The following ROBO2 variants were observed in gnomAD, a reference collection of about 807,000 sequenced individuals.
The protein encoded by ROBO2 is roundabout homolog 2.
In ROBO2, 53 loss-of-function variants were observed where a neutral mutation model predicts 160.8. The observed-to-expected ratio is 0.33, with a 90% CI of 0.26 to 0.41. The LOEUF is 0.41. Among genes scored for constraint, ROBO2 ranks in the 10% least tolerant of loss-of-function variants. The pLI, the probability that ROBO2 is intolerant of heterozygous loss-of-function variation, is 1.00. For synonymous variants in ROBO2, 664 were observed against 611.7 expected, an observed-to-expected ratio of 1.09 and a Z score of -1.26; for missense variants, 1,577 against 1,722.4, an observed-to-expected ratio of 0.92 and a Z score of 1.49.
intron 2 of ROBO2, among the ~76,000 whole-genome samples, chr3:76,051,978 G>A (rs73841102): frequency 0.021 from 3,127 of 151,956 alleles, 44 homozygotes; most frequent in East Asian, 0.081. Flanking sequence ...AAATATTTAT[G>A]GAAAAGCTTC....
chr3:76,137,355 A>G (rs967115063), intron 2 of ROBO2, among the ~76,000 whole-genome samples: 2 of 151,998 alleles, frequency 1.3e-5, no homozygotes, highest in African/African-American at 2.4e-5. Context: ...AAAACGTCCA[A>G]TCCTAGAAAA....
intron 2 of ROBO2, among the ~76,000 whole-genome samples, chr3:76,319,579 A>C (rs1366498379): frequency 6.7e-6 from 1 of 148,328 alleles, no homozygotes; most frequent in South Asian, 2.2e-4. Flanking sequence ...GTATCCAAAT[A>C]ATATTTTGAG....
intron 2 of ROBO2, among the ~76,000 whole-genome samples, chr3:76,302,241 A>G (rs1449883249): frequency 2.0e-5 from 3 of 152,076 alleles, no homozygotes. Flanking sequence ...AAAAATACGC[A>G]GTTTTACATT....
intron 2 of ROBO2, among the ~76,000 whole-genome samples, chr3:77,125,281 C>T (rs1437037984): frequency 6.6e-6 from 1 of 152,128 alleles, no homozygotes; most frequent in Non-Finnish European, 1.5e-5. Flanking sequence ...ATTTCTGCTT[C>T]TAAGGGTGCT....
intron 2 of ROBO2, among the ~76,000 whole-genome samples, chr3:76,069,523 TA>T (rs1468990162): frequency 1.5e-5 from 1 of 66,922 alleles, no homozygotes; most frequent in Non-Finnish European, 3.1e-5. Context: ...GGCTTATTGC[TA>T]GTTTTTTTTT....
At chr3:77,458,066 T>C (rs1226299857) in intron 2 of ROBO2, among the ~76,000 whole-genome samples, 1 of 152,164 alleles carries the variant, frequency 6.6e-6, no homozygotes, top group East Asian at 1.9e-4. Flanking sequence ...TTTCACTTAA[T>C]CCTCATCGCC....
At chr3:76,385,767 C>G (rs2076853749) in intron 2 of ROBO2, among the ~76,000 whole-genome samples, 1 of 152,036 alleles carries the variant, frequency 6.6e-6, no homozygotes, top group Non-Finnish European at 1.5e-5. Context: ...ATCAATTTCT[C>G]TGTGTAGAAA....
intron 2 of ROBO2, among the ~76,000 whole-genome samples, chr3:77,400,820 G>C (rs2075730400): frequency 6.6e-6 from 1 of 151,710 alleles, no homozygotes; most frequent in Non-Finnish European, 1.5e-5. Flanking sequence ...ATAGAGCCTG[G>C]TTAAGTGAGT....
intron 2 of ROBO2, among the ~76,000 whole-genome samples, chr3:77,328,838 G>A (rs1429775001): frequency 6.6e-6 from 1 of 152,092 alleles, no homozygotes; most frequent in Non-Finnish European, 1.5e-5. Context: ...CTCCAAAAAT[G>A]ACAAGAATGC....
At chr3:76,135,594 C>T (rs1052250913) in intron 2 of ROBO2, among the ~76,000 whole-genome samples, 1 of 152,064 alleles carries the variant, frequency 6.6e-6, no homozygotes, top group African/African-American at 2.4e-5. Flanking sequence ...ATCACAATTA[C>T]CCTAGAGGAA....
intron 15 of ROBO2, among the ~76,000 whole-genome samples, chr3:77,579,139 T>C (rs1170343064): frequency 6.6e-6 from 1 of 152,152 alleles, no homozygotes. Flanking sequence ...TTAAATATTG[T>C]ATAATATGAA....
intron 2 of ROBO2, among the ~76,000 whole-genome samples, chr3:77,248,857 G>A (rs572082271): frequency 1.3e-5 from 2 of 150,222 alleles, no homozygotes; most frequent in African/African-American, 4.9e-5. Context: ...TGGAATATGA[G>A]CCCACTCATA....
intron 2 of ROBO2, among the ~76,000 whole-genome samples, chr3:77,274,690 A>C (rs756354868): frequency 1.3e-5 from 2 of 152,096 alleles, no homozygotes; most frequent in African/African-American, 4.8e-5. Context: ...TTGTATTAGG[A>C]AAATATATAT....
chr3:76,925,394 T>C (rs961100114), intron 2 of ROBO2, among the ~76,000 whole-genome samples: 1 of 152,106 alleles, frequency 6.6e-6, no homozygotes, highest in East Asian at 1.9e-4. Context: ...TGGAAAATAT[T>C]TTTCCAAAAT....
At chr3:77,326,412 CAT>C in intron 2 of ROBO2, among the ~76,000 whole-genome samples, 1 of 152,274 alleles carries the variant, frequency 6.6e-6, no homozygotes, top group Non-Finnish European at 1.5e-5. Context: ...TATTTTTAAA[CAT>C]AGTGATCTTC....
In ROBO2 at chr3:76,320,050, A is replaced by G. The variant is rs150853292; in HGVS notation, c.109+382448A>G. On this transcript the variant is annotated intron_variant, in intron 2 of 26. Transcript: ENST00000487694. ...ATACCTAACAGATTTAGTTTGAAAT[A>G]TAGTCCAATTTGCTATTTAAAACAA... Among the ~76,000 whole-genome samples the G allele has an allele frequency of 9.9e-3, 1,502 of 152,212 alleles. 4 individuals carry two copies. Among genetic ancestry groups the G allele is most frequent in the Non-Finnish European group, 0.017 (1,151 of 67,960 alleles).
chr3:76,987,328 T>G (rs1480901959), intron 2 of ROBO2, among the ~76,000 whole-genome samples: 1 of 152,170 alleles, frequency 6.6e-6, no homozygotes, highest in African/African-American at 2.4e-5. Context: ...TTCATTTTGT[T>G]TCAGTTCCAC....
At chr3:77,532,343 A>G (rs1238445976) in intron 6 of ROBO2, among the ~76,000 whole-genome samples, 1 of 152,084 alleles carries the variant, frequency 6.6e-6, no homozygotes, top group Non-Finnish European at 1.5e-5. Context: ...TACCATATGA[A>G]TATGCATGTA....
intron 2 of ROBO2, among the ~76,000 whole-genome samples, chr3:77,292,547 C>A (rs535286046): frequency 1.2e-3 from 181 of 149,142 alleles, no homozygotes; most frequent in African/African-American, 4.4e-3. Context: ...GCTAGATCAC[C>A]CAAGACATAA....
Sources: gnomAD v4.1 joint callset for allele counts (sites outside exome capture counted in the v4.1 genomes callset) on GRCh38, gnomAD v4.1.1 for gene constraint, MANE v1.5 for transcripts, NCBI Gene and HGNC (gene_info 2026-07-23, HGNC 2026-07-21) for gene names.